Variants in TESK2 observed in about 807,000 individuals in gnomAD.
The protein encoded by TESK2 is testis associated actin remodelling kinase 2.
TESK2 carries 39 observed loss-of-function variants against 57.1 expected under a neutral mutation model. That is an observed-to-expected ratio of 0.68 (90% CI 0.53 to 0.89). The LOEUF is 0.89. TESK2 is among the 40% of genes least tolerant of loss of function. TESK2 has a pLI of 0.00. For synonymous variants in TESK2, 249 were observed against 267.9 expected (o/e 0.93, Z 0.69); for missense variants, 646 against 732.1 (o/e 0.88, Z 1.36).
intron 1 of TESK2, among the ~76,000 whole-genome samples, chr1:45,458,489 C>G (rs1410515825): frequency 6.6e-6 from 1 of 151,442 alleles, no homozygotes; most frequent in Non-Finnish European, 1.5e-5. Context: ...CACTTGAACC[C>G]AGGACGCAGG....
At chr1:45,426,508 G>C (rs1412313015) in intron 2 of TESK2, among the ~76,000 whole-genome samples, 2 of 152,112 alleles carry the variant, frequency 1.3e-5, no homozygotes, top group Non-Finnish European at 2.9e-5. Flanking sequence ...ACTACTACAA[G>C]AAAACATCGG....
At chr1:45,463,246 CAT>C (rs745438932) in intron 1 of TESK2, among the ~76,000 whole-genome samples, 9 of 152,208 alleles carry the variant, frequency 5.9e-5, no homozygotes, top group African/African-American at 1.7e-4. Flanking sequence ...CATGTGATCA[CAT>C]GTGTCCATTT....
intron 2 of TESK2, among the ~76,000 whole-genome samples, chr1:45,432,550 G>T (rs1049024227): frequency 1.3e-5 from 2 of 150,646 alleles, no homozygotes; most frequent in African/African-American, 4.9e-5. Context: ...AATTAGCCGG[G>T]CATGGTGGCA....
At chr1:45,367,777 C>A (rs530907351) in intron 4 of TESK2, among the ~76,000 whole-genome samples, 2 of 149,242 alleles carry the variant, frequency 1.3e-5, no homozygotes, top group South Asian at 4.2e-4. Flanking sequence ...CCTGCCTCAG[C>A]CTCCCGAGTA....
At position 45,414,872 on chromosome 1, in the gene TESK2, T is replaced by C; in HGVS notation, c.344+6853A>G. ...ACATTTCCATCACTGCAGAAGGTTC[T>C]ATTGGACAGCAATGCTTTAGTAGAA... On this transcript the variant is annotated intron_variant, in intron 3 of 10. Coordinates refer to ENST00000372086, the MANE Select transcript of TESK2 (RefSeq NM_007170.3). 3.3e-5 allele frequency: 12 copies of C among 368,456 alleles called. No individual in the cohort carries two copies. In the South Asian group the frequency reaches 3.3e-4, roughly 10 times the overall value. The allele number at this position is 368,456 out of a possible 1,614,324, so 22.8% of individuals were successfully genotyped here.
At chr1:45,432,487 C>A (rs1398447431) in intron 2 of TESK2, among the ~76,000 whole-genome samples, 2 of 151,510 alleles carry the variant, frequency 1.3e-5, no homozygotes, top group Admixed American at 1.3e-4. Flanking sequence ...GTCAGGAGAT[C>A]AAGACCATCC....
In TESK2 at chr1:45,424,476, T is replaced by C. The variant is rs185503691; in HGVS notation, c.223-2630A>G. On this transcript the variant is annotated intron_variant, in intron 2 of 10. Coordinates refer to ENST00000372086, the MANE Select transcript of TESK2 (RefSeq NM_007170.3). ...GTGCATCAAGGATTCTGTTGTAATG[T>C]ACCTCTTGACTGATGAAAGAGAAGT... 1.6e-4 allele frequency among the ~76,000 whole-genome samples: 24 copies of C among 152,322 alleles called. No homozygotes were observed. The East Asian group carries it at 3.7e-3, about 23-fold the overall frequency.
chr1:45,381,321 C>T (rs1481214196), intron 4 of TESK2, among the ~76,000 whole-genome samples: 1 of 152,182 alleles, frequency 6.6e-6, no homozygotes, highest in Non-Finnish European at 1.5e-5. Flanking sequence ...TGACACATAA[C>T]TTTGCGGCAT....
intron 2 of TESK2, among the ~76,000 whole-genome samples, chr1:45,449,464 G>A (rs984296832): frequency 6.6e-6 from 1 of 151,440 alleles, no homozygotes; most frequent in African/African-American, 2.5e-5. Context: ...TTCAATAGGT[G>A]AGCAGATAAG....
At chr1:45,481,846 T>G (rs1198062759) in intron 1 of TESK2, among the ~76,000 whole-genome samples, 2 of 152,212 alleles carry the variant, frequency 1.3e-5, no homozygotes, top group African/African-American at 4.8e-5. Context: ...TATAAAAACT[T>G]ATGCACACAA....
rs550072246 is a variant in TESK2, at chr1:45,415,548, T to TAAC, written c.344+6174_344+6176dup. On this transcript the variant is annotated intron_variant, in intron 3 of 10. Coordinates refer to ENST00000372086, the MANE Select transcript of TESK2 (RefSeq NM_007170.3). ...TTATGATTACGAAATAAAAACTAAA[T>TAAC]AACAACAACAACAACAACAACAAAG... 2.0e-3 allele frequency among the ~76,000 whole-genome samples: 302 copies of TAAC among 151,654 alleles called. 1 individual carries two copies. The highest frequency in any genetic ancestry group is 6.6e-3 in the African/African-American group (271 of 41,340).
At chr1:45,376,213 C>CTTTTTTTTTTT (rs71052869) in intron 4 of TESK2, among the ~76,000 whole-genome samples, 2 of 80,682 alleles carry the variant, frequency 2.5e-5, no homozygotes, top group Admixed American at 1.6e-4. Context: ...CTTTCTCTCT[C>CTTTTTTTTTTT]TTTTTTTTTT....
chr1:45,351,407 G>C (rs1647229406), intron 5 of TESK2, among the ~76,000 whole-genome samples: 1 of 152,192 alleles, frequency 6.6e-6, no homozygotes, highest in Non-Finnish European at 1.5e-5. Context: ...GGCTATATCT[G>C]ACAGACATTT....
At position 45,453,341 on chromosome 1, in the gene TESK2, C is replaced by CAA. The variant is rs560016914; in HGVS notation, c.222+4221_222+4222dup. ...TAGGTAACAGAATGAGACCCTGTCT[C>CAA]AAAAAAAAAAAAAAAAAAAAAAGAG... is the stretch of plus-strand genomic sequence containing the variant. On this transcript the variant is annotated intron_variant, in intron 2 of 10. Transcript: ENST00000372086. 7.5e-3 allele frequency among the ~76,000 whole-genome samples: 384 copies of CAA among 51,392 alleles called. 1 individual carries two copies. The highest frequency in any genetic ancestry group is 0.012 in the Non-Finnish European group (273 of 22,176). The allele number at this position is 51,392 out of a possible 152,430, so 33.7% of individuals were successfully genotyped here.
intron 2 of TESK2, among the ~76,000 whole-genome samples, chr1:45,431,889 G>T (rs1650980562): frequency 6.6e-6 from 1 of 152,114 alleles, no homozygotes; most frequent in African/African-American, 2.4e-5. Context: ...GGCCTGGTGG[G>T]TACATGTTAA....
chr1:45,457,922 G>A (rs1464197432), intron 1 of TESK2, 51 bp from the exon 2 acceptor site: 19 of 662,016 alleles, frequency 2.9e-5, no homozygotes, highest in South Asian at 2.4e-4. Context: ...ATAAATACAT[G>A]TAAAGCAATA....
Position 45,345,202 on chromosome 1 carries a change from G to A in TESK2, c.1354C>T (p.Arg452Cys), listed in dbSNP as rs573693701. ...DWQEPLAPPI[R>C]RWRSLPGSPE... ...GAACCAGGCAAGGAACGCCACCGGC[G>A]AATAGGTGGGGCCAGGGGCTCCTGC... is the stretch of plus-strand genomic sequence containing the variant. The change falls in exon 11 of 11, where the codon CGC (arginine) becomes TGC (cysteine). Residue 452 changes from arginine to cysteine, a missense_variant. Physicochemically the swap from Arg to Cys is radical, Grantham distance 180. Transcript: ENST00000372086. The A allele has an allele frequency of 1.7e-5, 28 of 1,614,182 alleles. No individual in the cohort carries two copies. The highest frequency in any genetic ancestry group is 6.7e-5 in the East Asian group (3 of 44,886).
intron 2 of TESK2, among the ~76,000 whole-genome samples, chr1:45,422,801 GCT>G (rs1650532482): frequency 7.5e-6 from 1 of 132,614 alleles, no homozygotes; most frequent in South Asian, 2.5e-4. Context: ...ACAGAGTCTT[GCT>G]CTGTCACCCA....
rs140964940 is a variant in TESK2, at chr1:45,422,759, T to TTTGTTGTTGTTG, written c.223-925_223-914dup. ...ATGCCCAGCCAATCATGTCTGGTTT[T>TTTGTTGTTGTTG]TTGTTGTTGTTGTTGTTGTTTTTGT... On this transcript the variant is annotated intron_variant, in intron 2 of 10. Coordinates refer to ENST00000372086, the MANE Select transcript of TESK2 (RefSeq NM_007170.3). Among the ~76,000 whole-genome samples, 1,209 of 147,006 alleles carry TTTGTTGTTGTTG rather than the reference T, an allele frequency of 8.2e-3. 15 individuals carry two copies. Among genetic ancestry groups the TTTGTTGTTGTTG allele is most frequent in the Admixed American group, 0.021 (310 of 14,682 alleles).
Sources: gnomAD v4.1 joint callset for allele counts (sites outside exome capture counted in the v4.1 genomes callset) on GRCh38, gnomAD v4.1.1 for gene constraint, MANE v1.5 for transcripts, NCBI Gene and HGNC (gene_info 2026-07-23, HGNC 2026-07-21) for gene names.